The following ACER3 variants were observed in gnomAD, a reference collection of about 807,000 sequenced individuals.
ACER3 encodes the protein alkCDase 3.
A neutral mutation model predicts 48.9 loss-of-function variants in ACER3; 16 were observed. That is an observed-to-expected ratio of 0.33 (90% CI 0.22 to 0.50). The LOEUF (loss-of-function observed/expected upper bound fraction) is 0.50, where lower values mean the gene tolerates loss of function less well. ACER3 is among the 20% of genes least tolerant of loss of function. The probability of loss-of-function intolerance (pLI) is 0.98; values close to 1 mark genes in which losing one functional copy is unlikely to be tolerated. For synonymous variants in ACER3, 109 were observed against 107.8 expected, an observed-to-expected ratio of 1.01 and a Z score of -0.07; for missense variants, 227 against 326.0, an observed-to-expected ratio of 0.70 and a Z score of 2.34.
At chr11:76,962,550 C>T (rs1948025088) in intron 3 of ACER3, among the ~76,000 whole-genome samples, 1 of 151,288 alleles carries the variant, frequency 6.6e-6, no homozygotes, top group Admixed American at 6.6e-5. Flanking sequence ...TTATTCTGAG[C>T]CAATATTAGT....
intron 1 of ACER3, among the ~76,000 whole-genome samples, chr11:76,885,439 C>A (rs1032106795): frequency 4.6e-5 from 7 of 152,224 alleles, no homozygotes; most frequent in Admixed American, 4.6e-4. Context: ...TCCTAATGCT[C>A]TCCCTCCCCT....
chr11:76,961,854 T>C (rs1276915326), intron 3 of ACER3, among the ~76,000 whole-genome samples: 2 of 147,972 alleles, frequency 1.4e-5, no homozygotes, highest in African/African-American at 5.2e-5. Flanking sequence ...TTAAAGAGTA[T>C]ATTTACATAG....
intron 1 of ACER3, among the ~76,000 whole-genome samples, chr11:76,906,604 A>G (rs1946239489): frequency 6.6e-6 from 1 of 152,200 alleles, no homozygotes; most frequent in African/African-American, 2.4e-5. Flanking sequence ...CCAGCCTCAC[A>G]TCAGTTAAAA....
chr11:76,872,657 T>A (rs1157314836), intron 1 of ACER3, among the ~76,000 whole-genome samples: 12 of 152,196 alleles, frequency 7.9e-5, no homozygotes, highest in Non-Finnish European at 5.9e-5. Flanking sequence ...ATTGTTGATG[T>A]CATATTGTTA....
intron 1 of ACER3, among the ~76,000 whole-genome samples, chr11:76,876,284 C>T (rs1217102868): frequency 6.3e-5 from 8 of 126,226 alleles, no homozygotes; most frequent in Admixed American, 7.6e-5. Context: ...TTTTTTTTTT[C>T]CCTACCATAG....
chr11:77,014,282 C>T (rs1429884284), intron 7 of ACER3, among the ~76,000 whole-genome samples: 4 of 152,056 alleles, frequency 2.6e-5, no homozygotes, highest in African/African-American at 7.2e-5. Context: ...TGTGTGCATG[C>T]GCACCCATCC....
intron 4 of ACER3, among the ~76,000 whole-genome samples, chr11:76,977,865 G>A (rs989899910): frequency 4.6e-5 from 7 of 152,340 alleles, no homozygotes; most frequent in Admixed American, 1.3e-4. Context: ...GCTTGAAAGT[G>A]CCTGCTCCCA....
chr11:76,936,393 T>A (rs922363806), intron 2 of ACER3, among the ~76,000 whole-genome samples: 2 of 152,200 alleles, frequency 1.3e-5, no homozygotes, highest in Non-Finnish European at 2.9e-5. Context: ...GAATAAATTC[T>A]AAATTGATAA....
intron 1 of ACER3, among the ~76,000 whole-genome samples, chr11:76,915,592 C>G (rs2134751351): frequency 6.6e-6 from 1 of 152,294 alleles, no homozygotes; most frequent in South Asian, 2.1e-4. Flanking sequence ...GGGGGAGAGC[C>G]CTCCCCGGCC....
chr11:76,989,234 C>G (rs1948748107), intron 5 of ACER3, among the ~76,000 whole-genome samples: 1 of 149,692 alleles, frequency 6.7e-6, no homozygotes. Flanking sequence ...GCTCACAATG[C>G]TTAAAGGAAA....
intron 1 of ACER3, among the ~76,000 whole-genome samples, chr11:76,872,630 A>T (rs913042707): frequency 6.6e-6 from 1 of 152,200 alleles, no homozygotes; most frequent in Non-Finnish European, 1.5e-5. Context: ...GATGGAGCTG[A>T]GGAGGAGGAT....
rs774580764 is a variant in ACER3 at position 76,950,352 on chromosome 11, CATATATATATATATAT to C, written c.215-8583_215-8568del. Among the ~76,000 whole-genome samples the C allele has an allele frequency of 5.4e-3, 196 of 36,000 alleles. 1 individual carries two copies. Among genetic ancestry groups the C allele is most frequent in the Non-Finnish European group, 0.013 (106 of 8,044 alleles). The allele number at this position is 36,000 out of a possible 152,430, so 23.6% of individuals were successfully genotyped here. A position where few individuals can be genotyped will look rare whatever the true frequency, so the allele number is the denominator to read the frequency against. ...GTTTTAAACAGGAGAGTGACATGATCATATATATATATATATATATATATATATATATATATATATA... is the reference window on the plus strand; with the variant it reads ...GTTTTAAACAGGAGAGTGACATGATCATATATATATATATATATATATATA... On this transcript the variant is annotated intron_variant, in intron 2 of 10. Coordinates refer to ENST00000532485, the MANE Select transcript of ACER3 (RefSeq NM_018367.7).
intron 7 of ACER3, among the ~76,000 whole-genome samples, chr11:77,003,049 T>A (rs10793226): frequency 9.2e-5 from 14 of 152,074 alleles, no homozygotes; most frequent in Admixed American, 8.5e-4. Flanking sequence ...AGTGGTAAGG[T>A]TTGCACAACA....
intron 2 of ACER3, among the ~76,000 whole-genome samples, chr11:76,941,035 ACACACG>A (rs71043513): frequency 0.078 from 10,645 of 136,346 alleles, 396 homozygotes; most frequent in Middle Eastern, 0.13. Context: ...ACACACACAC[ACACACG>A]CACACACACA....
chr11:76,927,277 T>C (rs963011915), intron 2 of ACER3, among the ~76,000 whole-genome samples: 1 of 152,196 alleles, frequency 6.6e-6, no homozygotes, highest in African/African-American at 2.4e-5. Flanking sequence ...TGCGTCCCTA[T>C]TGTCTGGCAG....
In ACER3 at chr11:76,879,267, G is replaced by A. The variant is rs117291811; in HGVS notation, c.103+18188G>A. ...TTATAGTTAATTGCTTTATATTCAGGTCTATATCCATCTCAGATTTATTGT... is the reference window on the plus strand; with the variant it reads ...TTATAGTTAATTGCTTTATATTCAGATCTATATCCATCTCAGATTTATTGT... On this transcript the variant is annotated intron_variant, in intron 1 of 10. Coordinates refer to ENST00000532485, the MANE Select transcript of ACER3 (RefSeq NM_018367.7). Among the ~76,000 whole-genome samples the A allele has an allele frequency of 1.9e-3, 284 of 152,078 alleles. 5 individuals carry two copies. The East Asian group carries it at 0.04, about 21-fold the overall frequency.
intron 9 of ACER3, among the ~76,000 whole-genome samples, chr11:77,018,826 G>T (rs782063818): frequency 1.4e-4 from 21 of 152,248 alleles, no homozygotes; most frequent in Non-Finnish European, 2.4e-4. Context: ...AGAAAAGTTT[G>T]AAGCTAGCAG....
intron 1 of ACER3, among the ~76,000 whole-genome samples, chr11:76,907,733 T>G (rs1250835957): frequency 6.6e-6 from 1 of 151,928 alleles, no homozygotes; most frequent in Non-Finnish European, 1.5e-5. Context: ...TAGCCGGGCA[T>G]GGTGATGCAT....
intron 1 of ACER3, among the ~76,000 whole-genome samples, chr11:76,866,808 G>T (rs1187509483): frequency 6.6e-6 from 1 of 152,156 alleles, no homozygotes; most frequent in Non-Finnish European, 1.5e-5. Context: ...TCAAATTTAG[G>T]TCTCACAACT....
Sources: gnomAD v4.1 joint callset for allele counts (sites outside exome capture counted in the v4.1 genomes callset) on GRCh38, gnomAD v4.1.1 for gene constraint, MANE v1.5 for transcripts, NCBI Gene and HGNC (gene_info 2026-07-23, HGNC 2026-07-21) for gene names.